The following RUSC2 variants were observed in gnomAD, a reference collection of about 807,000 sequenced individuals.
RUSC2 encodes AP-4 complex accessory subunit RUSC2.
In RUSC2, 34 loss-of-function variants were observed where a neutral mutation model predicts 122.2. The observed-to-expected ratio is 0.28, with a 90% confidence interval of 0.21 to 0.37. The LOEUF (loss-of-function observed/expected upper bound fraction) is 0.37, where lower values mean the gene tolerates loss of function less well. Ranked by LOEUF, RUSC2 falls within the 10% of genes least tolerant of loss-of-function variation. RUSC2 has a pLI of 1.00. For synonymous variants in RUSC2, 784 were observed against 790.0 expected, an observed-to-expected ratio of 0.99 and a Z score of 0.13; for missense variants, 1,747 against 1,952.4, an observed-to-expected ratio of 0.89 and a Z score of 1.98.
At chr9:35,496,245 CAGAG>C (rs1216923851) in intron 1 of RUSC2, among the ~76,000 whole-genome samples, 2 of 152,066 alleles carry the variant, frequency 1.3e-5, no homozygotes, top group African/African-American at 2.4e-5. Flanking sequence ...AGGAAGCTCT[CAGAG>C]AGGATCACAG....
At chr9:35,552,185 AC>A (rs1253521804) in intron 2 of RUSC2, among the ~76,000 whole-genome samples, 1 of 150,978 alleles carries the variant, frequency 6.6e-6, no homozygotes, top group African/African-American at 2.4e-5. Flanking sequence ...ACATGGAGAA[AC>A]CCCATCTCTA....
At chr9:35,543,747 G>A (rs1008781659) in intron 1 of RUSC2, among the ~76,000 whole-genome samples, 2 of 152,146 alleles carry the variant, frequency 1.3e-5, no homozygotes, top group Non-Finnish European at 2.9e-5. Flanking sequence ...GGGATTACAG[G>A]CATGAGCCAC....
At position 35,517,511 on chromosome 9, in the gene RUSC2, A is replaced by G. The variant is rs199546704; in HGVS notation, c.-93+27339A>G. Among the ~76,000 whole-genome samples, 57 of 84,276 alleles carry G rather than the reference A, an allele frequency of 6.8e-4. 1 individual carries two copies. Among genetic ancestry groups the G allele is most frequent in the Admixed American group, 6.4e-3 (55 of 8,592 alleles). The allele number at this position is 84,276 out of a possible 152,430, so 55.3% of individuals were successfully genotyped here. On this transcript the variant is annotated intron_variant, in intron 1 of 11. Coordinates refer to ENST00000361226, the MANE Select transcript of RUSC2 (RefSeq NM_014806.5). ...AGATCAGTGTCCTGGGCCCACAAAC[A>G]GGGGAGAATTAGCTTTGTGGCTGCT... is the stretch of plus-strand genomic sequence containing the variant.
In RUSC2 at chr9:35,555,003, C is replaced by G. The variant is rs1240117904; in HGVS notation, c.2015-57C>G. The G allele has an allele frequency of 6.3e-7, 1 of 1,592,206 alleles. No individual in the cohort carries two copies. The highest frequency in any genetic ancestry group is 8.5e-7 in the Non-Finnish European group (1 of 1,173,246). On this transcript the variant is annotated intron_variant, in intron 2 of 11. Transcript: ENST00000361226. The surrounding 1 kb of genome is among the most constrained non-coding windows in gnomAD (Gnocchi z 4.6). ...TCTCCCATCTCTGCTTCTGGGTTTT[C>G]TCTCATATGGGTTTCAGTGTCTGTC...
chr9:35,560,604 G>T lies in RUSC2; in HGVS notation c.3964G>T (p.Val1322Leu). The T allele has an allele frequency of 6.2e-7, 1 of 1,612,674 alleles. No homozygotes were observed. Among genetic ancestry groups the T allele is most frequent in the Non-Finnish European group, 8.5e-7 (1 of 1,179,346 alleles). ...GGCTCCACCACCCCGAGAGGGAGTAGTGGAGGGGGCTGAGGCCTGCCCTGC... is the reference window on the plus strand; with the variant it reads ...GGCTCCACCACCCCGAGAGGGAGTATTGGAGGGGGCTGAGGCCTGCCCTGC... ...PQAPPPREGVVEGAEACPASE... is the reference protein window; with the variant it reads ...PQAPPPREGVLEGAEACPASE... Residue 1322 changes from valine (V) to leucine (L), a missense_variant, in exon 10 of 12, where the codon GTG (valine) becomes TTG (leucine). Val to Leu is a conservative substitution (Grantham distance 32). Transcript: ENST00000361226.
rs2131708080 is a variant in RUSC2, at chr9:35,560,866, A to ATGGT, written c.4211+16_4211+19dup. 2 of 1,550,516 alleles carry ATGGT rather than the reference A, an allele frequency of 1.3e-6. No individual in the cohort carries two copies. Among genetic ancestry groups the ATGGT allele is most frequent in the Non-Finnish European group, 1.7e-6 (2 of 1,150,220 alleles). On this transcript the variant is annotated intron_variant, in intron 10 of 11. Coordinates refer to ENST00000361226, the MANE Select transcript of RUSC2 (RefSeq NM_014806.5). Reference sequence around the variant, plus strand: ...CCCACAAATAGGTGAGAGCCTGCCCATGGTAGGGATGGAGGGAGTAGGGAG... The same window carrying ATGGT: ...CCCACAAATAGGTGAGAGCCTGCCCATGGTTGGTAGGGATGGAGGGAGTAGGGAG...
chr9:35,534,416 T>C (rs1821481974), intron 1 of RUSC2, among the ~76,000 whole-genome samples: 1 of 96,800 alleles, frequency 1.0e-5, no homozygotes, highest in African/African-American at 3.8e-5. Flanking sequence ...TCTCTACAAA[T>C]AATACACACA....
At chr9:35,495,546 A>G (rs1487649517) in intron 1 of RUSC2, among the ~76,000 whole-genome samples, 1 of 151,920 alleles carries the variant, frequency 6.6e-6, no homozygotes, top group Non-Finnish European at 1.5e-5. Flanking sequence ...CTTTATGCTG[A>G]TAAAACACTG....
Position 35,556,106 on chromosome 9 carries a change from T to G in RUSC2, c.2811T>G (p.Ser937Arg), listed in dbSNP as rs1822011955. The change falls in exon 4 of 12, where the codon AGT (serine) becomes AGG (arginine). Residue 937 changes from serine to arginine, a missense_variant. Physicochemically the swap from Ser to Arg is moderately radical, Grantham distance 110. Coordinates refer to ENST00000361226, the MANE Select transcript of RUSC2 (RefSeq NM_014806.5). Reference sequence around the variant, plus strand: ...TCTTTGAGTTCCCTGGCTCCCTCAGTGCTGCCAGCCATCTGAACTGCCGGC... The same window carrying G: ...TCTTTGAGTTCCCTGGCTCCCTCAGGGCTGCCAGCCATCTGAACTGCCGGC... ...NPIFEFPGSLSAASHLNCRLN... is the reference protein window; with the variant it reads ...NPIFEFPGSLRAASHLNCRLN... 3 of 1,614,168 alleles carry G rather than the reference T, an allele frequency of 1.9e-6. No individual in the cohort carries two copies. The highest frequency in any genetic ancestry group is 1.7e-5 in the Admixed American group (1 of 60,026).
At chr9:35,499,076 C>T (rs1447170143) in intron 1 of RUSC2, among the ~76,000 whole-genome samples, 1 of 152,032 alleles carries the variant, frequency 6.6e-6, no homozygotes, top group African/African-American at 2.4e-5. Flanking sequence ...CACTTGAGGC[C>T]AGGAGTTCAA....
chr9:35,560,264 G>A lies in RUSC2; in HGVS notation c.3624G>A (p.Leu1208=). The A allele has an allele frequency of 1.3e-6, 2 of 1,586,412 alleles. No individual in the cohort carries two copies. Among genetic ancestry groups the A allele is most frequent in the Non-Finnish European group, 1.7e-6 (2 of 1,168,064 alleles). Residue 1208 remains leucine, a synonymous_variant, in exon 10 of 12, where the codon CTG becomes CTA. Coordinates refer to ENST00000361226, the MANE Select transcript of RUSC2 (RefSeq NM_014806.5). ...LLLSAHSTLQ[L]ARARGQEGPG... Reference sequence around the variant, plus strand: ...TGTCTGCCCACTCCACGCTGCAGCTGGCCCGGGCCCGGGGCCAGGAGGGCC... The same window carrying A: ...TGTCTGCCCACTCCACGCTGCAGCTAGCCCGGGCCCGGGGCCAGGAGGGCC...
At chr9:35,532,943 G>T (rs1486723237) in intron 1 of RUSC2, among the ~76,000 whole-genome samples, 1 of 151,644 alleles carries the variant, frequency 6.6e-6, no homozygotes, top group African/African-American at 2.4e-5. Context: ...GAGTCCATTT[G>T]TTAAGGAATT....
At chr9:35,539,734 C>G (rs1204826497) in intron 1 of RUSC2, among the ~76,000 whole-genome samples, 1 of 152,178 alleles carries the variant, frequency 6.6e-6, no homozygotes, top group Non-Finnish European at 1.5e-5. Context: ...ATTGTAATGC[C>G]TAGGGCACCT....
intron 1 of RUSC2, among the ~76,000 whole-genome samples, chr9:35,513,188 GTTTTGTTGTTGT>G (rs1476789986): frequency 7.3e-6 from 1 of 136,326 alleles, no homozygotes; most frequent in Non-Finnish European, 1.6e-5. Flanking sequence ...ATTATACTTT[GTTTTGTTGTTGT>G]TGTTGTTGTT....
Position 35,555,061 on chromosome 9 carries a change from G to T in RUSC2, c.2016G>T (p.Gly672=). The T allele has an allele frequency of 6.2e-7, 1 of 1,611,078 alleles. No homozygotes were observed. The highest frequency in any genetic ancestry group is 8.5e-7 in the Non-Finnish European group (1 of 1,179,964). The part of the protein sequence containing the change: ...TQRDARARAD[G]GGTESRPVLR... ...TTCTTCTCCATCCCTTTGCTACAGG[G>T]GGTGGCACCGAGAGCCGACCAGTCC... is the stretch of plus-strand genomic sequence containing the variant. The change falls in exon 3 of 12, where the codon GGG becomes GGT. Residue 672 remains glycine (G), a splice_region_variant and synonymous_variant. Coordinates refer to ENST00000361226, the MANE Select transcript of RUSC2 (RefSeq NM_014806.5). This position sits in a 1 kb window ranked among gnomAD's most constrained non-coding sequence, Gnocchi z 4.6.
chr9:35,491,777 C>G (rs183897600), intron 1 of RUSC2, among the ~76,000 whole-genome samples: 4 of 152,262 alleles, frequency 2.6e-5, no homozygotes, highest in Admixed American at 2.6e-4. Flanking sequence ...TGGTGAAACC[C>G]CATCTCTACT....
rs1370035401 is a variant in RUSC2 at position 35,547,536 on chromosome 9, C to T, written c.1015C>T (p.His339Tyr). 3.7e-6 allele frequency: 6 copies of T among 1,614,074 alleles called. No individual in the cohort carries two copies. The highest frequency in any genetic ancestry group is 5.1e-6 in the Non-Finnish European group (6 of 1,180,044). The part of the protein sequence containing the change: ...FESKMSYESH[H>Y]PESGGREGGY... ...GTCTAAGATGTCTTATGAGTCCCAT[C>T]ACCCTGAAAGTGGAGGAAGGGAAGG... Residue 339 changes from histidine (H) to tyrosine (Y), a missense_variant, in exon 2 of 12, where the codon CAC becomes TAC. Transcript: ENST00000361226. This position sits in a 1 kb window ranked among gnomAD's most constrained non-coding sequence, Gnocchi z 4.6.
intron 2 of RUSC2, among the ~76,000 whole-genome samples, chr9:35,552,987 G>A (rs1365084545): frequency 6.6e-6 from 1 of 152,130 alleles, no homozygotes; most frequent in African/African-American, 2.4e-5. Context: ...ACTTTGTATA[G>A]GGGGTATAAT....
rs747226888 is a variant in RUSC2, at chr9:35,560,496, A to G, written c.3856A>G (p.Ile1286Val). Reference protein sequence around the residue: ...QSSQVYIDGSIEGSRFPRGSS... With the variant: ...QSSQVYIDGSVEGSRFPRGSS... Reference sequence around the variant, plus strand: ...CTCCCAGGTCTACATCGATGGCTCCATTGAGGGTTCCAGGTTCCCTCGTGG... The same window carrying G: ...CTCCCAGGTCTACATCGATGGCTCCGTTGAGGGTTCCAGGTTCCCTCGTGG... Residue 1286 changes from isoleucine (I) to valine (V), a missense_variant, in exon 10 of 12, where the codon ATT becomes GTT. Transcript: ENST00000361226. The G allele has an allele frequency of 1.2e-6, 2 of 1,614,206 alleles. No individual in the cohort carries two copies. The highest frequency in any genetic ancestry group is 3.3e-5 in the Admixed American group (2 of 60,030).
Sources: allele counts gnomAD v4.1 joint callset (sites outside exome capture counted in the v4.1 genomes callset), GRCh38; gene constraint gnomAD v4.1.1; non-coding constraint Gnocchi (gnomAD v3.1); transcripts MANE v1.5; gene names NCBI Gene and HGNC (gene_info 2026-07-23, HGNC 2026-07-21).